The following DLG2 variants were observed in gnomAD, a reference collection of about 807,000 sequenced individuals.
DLG2 encodes discs large MAGUK scaffold protein 2.
Under a neutral mutation model 132.5 loss-of-function variants are expected in DLG2, and 45 were observed. That is an observed-to-expected ratio of 0.34 (90% CI 0.27 to 0.44). DLG2 has a LOEUF of 0.44. Ranked by LOEUF, DLG2 falls within the 20% of genes least tolerant of loss-of-function variation. The pLI is 1.00. For synonymous variants in DLG2, 424 were observed against 419.6 expected (o/e 1.01, Z -0.13); for missense variants, 1,045 against 1,196.9 (o/e 0.87, Z 1.87).
intron 6 of DLG2, among the ~76,000 whole-genome samples, chr11:84,677,454 C>T (rs1595558383): frequency 6.6e-6 from 1 of 152,012 alleles, no homozygotes; most frequent in South Asian, 2.1e-4. Context: ...TCTCTAGTGA[C>T]CATACTGGAA....
chr11:84,615,338 G>A (rs998036527), intron 6 of DLG2, among the ~76,000 whole-genome samples: 5 of 152,088 alleles, frequency 3.3e-5, no homozygotes, highest in Admixed American at 2.0e-4. Flanking sequence ...AGACATGGAC[G>A]CAAACAGAGT....
intron 3 of DLG2, among the ~76,000 whole-genome samples, chr11:85,337,585 C>G (rs2082217436): frequency 6.6e-6 from 1 of 152,166 alleles, no homozygotes; most frequent in African/African-American, 2.4e-5. Flanking sequence ...AAAATTCCAT[C>G]TCTAAAACTT....
intron 6 of DLG2, among the ~76,000 whole-genome samples, chr11:84,848,660 T>G (rs978315091): frequency 6.6e-6 from 1 of 152,148 alleles, no homozygotes; most frequent in Non-Finnish European, 1.5e-5. Flanking sequence ...GTTCTATAGA[T>G]CCATCTGTAC....
At chr11:84,447,879 G>A (rs1191120677) in intron 7 of DLG2, among the ~76,000 whole-genome samples, 2 of 152,036 alleles carry the variant, frequency 1.3e-5, no homozygotes, top group Non-Finnish European at 2.9e-5. Context: ...CTATCAAAAG[G>A]AACGTAGAGC....
At chr11:85,340,569 C>T (rs186733964) in intron 3 of DLG2, among the ~76,000 whole-genome samples, 314 of 152,314 alleles carry the variant, frequency 2.1e-3, no homozygotes, top group Middle Eastern at 6.8e-3. Flanking sequence ...AGTAAACCAA[C>T]ATGGCACATG....
chr11:85,028,184 C>T (rs1296625345), intron 6 of DLG2, among the ~76,000 whole-genome samples: 1 of 152,116 alleles, frequency 6.6e-6, no homozygotes, highest in African/African-American at 2.4e-5. Context: ...ACAACAGCAA[C>T]CGAATTGGGT....
rs1460569292 is a variant in DLG2, at chr11:85,395,403, T to C, written c.41-110038A>G. ...ACCTGGTTCATCTCATTGGGACTGG[T>C]TGGACAGTGGGTGCAGCCCATGGAG... is the stretch of plus-strand genomic sequence containing the variant. On this transcript the variant is annotated intron_variant, in intron 3 of 27. Transcript: ENST00000376104. Among the ~76,000 whole-genome samples the C allele has an allele frequency of 2.6e-5, 4 of 152,062 alleles. No individual in the cohort carries two copies. In the East Asian group the frequency reaches 5.8e-4, roughly 22 times the overall value.
intron 3 of DLG2, among the ~76,000 whole-genome samples, chr11:85,321,635 G>A (rs969423022): frequency 6.6e-6 from 1 of 152,028 alleles, no homozygotes; most frequent in African/African-American, 2.4e-5. Context: ...CTAAGAAGGA[G>A]CAGCCAGTGA....
chr11:84,762,173 G>C (rs2067720132), intron 6 of DLG2: 1 of 152,094 alleles, frequency 6.6e-6, no homozygotes, highest in South Asian at 2.1e-4. Context: ...TTTTAGGTAA[G>C]AAATAAAAAT....
chr11:85,561,293 A>G (rs1341110953), intron 3 of DLG2, among the ~76,000 whole-genome samples: 1 of 136,932 alleles, frequency 7.3e-6, no homozygotes, highest in Non-Finnish European at 1.6e-5. Flanking sequence ...GATCATGCCA[A>G]TGTACTCCAG....
At chr11:83,670,684 G>A (rs2076688636) in intron 18 of DLG2, among the ~76,000 whole-genome samples, 1 of 151,960 alleles carries the variant, frequency 6.6e-6, no homozygotes, top group South Asian at 2.1e-4. Flanking sequence ...GGAACATCAT[G>A]AATGTTTTAA....
intron 18 of DLG2, chr11:83,682,398 T>G (rs1383294440): frequency 1.4e-5 from 14 of 985,260 alleles, no homozygotes; most frequent in Non-Finnish European, 1.6e-5. Flanking sequence ...GGTACATATA[T>G]TTCCTTGTAA....
At chr11:85,160,654 G>A (rs1185096626) in intron 4 of DLG2, among the ~76,000 whole-genome samples, 1 of 152,118 alleles carries the variant, frequency 6.6e-6, no homozygotes, top group East Asian at 1.9e-4. Flanking sequence ...GCTCAAGGAT[G>A]TCTTGACGGC....
chr11:85,597,299 T>C (rs1430409933), intron 3 of DLG2, among the ~76,000 whole-genome samples: 1 of 152,096 alleles, frequency 6.6e-6, no homozygotes, highest in African/African-American at 2.4e-5. Flanking sequence ...AGTAAACACA[T>C]CATACAAGTC....
At chr11:83,614,458 C>T (rs2060519974) in intron 19 of DLG2, among the ~76,000 whole-genome samples, 1 of 152,152 alleles carries the variant, frequency 6.6e-6, no homozygotes, top group South Asian at 2.1e-4. Context: ...ATAGATCATG[C>T]CTATAATCTC....
intron 7 of DLG2, among the ~76,000 whole-genome samples, chr11:84,481,841 G>T (rs961067913): frequency 2.6e-5 from 4 of 152,138 alleles, no homozygotes; most frequent in African/African-American, 9.7e-5. Context: ...GCCTCAGTGT[G>T]TAGTAACATG....
At chr11:85,163,730 T>A (rs1485242906) in intron 4 of DLG2, among the ~76,000 whole-genome samples, 1 of 152,294 alleles carries the variant, frequency 6.6e-6, no homozygotes, top group African/African-American at 2.4e-5. Flanking sequence ...AATATGGAGA[T>A]AGTGCCACCC....
chr11:83,895,589 A>T (rs145876089), intron 15 of DLG2, among the ~76,000 whole-genome samples: 49 of 152,234 alleles, frequency 3.2e-4, no homozygotes, highest in African/African-American at 1.0e-3. Flanking sequence ...GGCCCTTTAA[A>T]CATGATACTT....
intron 3 of DLG2, among the ~76,000 whole-genome samples, chr11:85,472,026 G>A (rs2093000176): frequency 2.6e-5 from 4 of 152,084 alleles, no homozygotes; most frequent in African/African-American, 9.7e-5. Flanking sequence ...GGCAGACAAG[G>A]GTGGGTCCCT....
Sources: allele counts gnomAD v4.1 joint callset (sites outside exome capture counted in the v4.1 genomes callset), GRCh38; gene constraint gnomAD v4.1.1; transcripts MANE v1.5; gene names NCBI Gene and HGNC (gene_info 2026-07-23, HGNC 2026-07-21).